The following NOS1 variants were observed in gnomAD, a reference collection of about 807,000 sequenced individuals.
NOS1 encodes NOS type I.
In NOS1, 51 loss-of-function variants were observed where a neutral mutation model predicts 164.5. That is an observed-to-expected ratio of 0.31 (90% CI 0.25 to 0.39). NOS1 has a LOEUF of 0.39. Ranked by LOEUF, NOS1 falls within the 10% of genes least tolerant of loss-of-function variation. The pLI is 1.00. For missense variants in NOS1, 1,362 were observed against 1,885.6 expected (o/e 0.72, Z 5.14); for synonymous variants, 719 against 745.8 (o/e 0.96, Z 0.59).
chr12:117,239,599 G>T (rs1870001844), intron 20 of NOS1, among the ~76,000 whole-genome samples: 1 of 152,174 alleles, frequency 6.6e-6, no homozygotes, highest in South Asian at 2.1e-4. Flanking sequence ...CTCACAGGGG[G>T]ATTAGTGATA....
intron 2 of NOS1, among the ~76,000 whole-genome samples, chr12:117,322,428 T>C: frequency 5.9e-5 from 7 of 117,780 alleles, no homozygotes; most frequent in Middle Eastern, 6.8e-3. Context: ...CTCCTCCCTT[T>C]CCTCACTCCT....
intron 10 of NOS1, among the ~76,000 whole-genome samples, 174 bp from the exon 11 acceptor site, chr12:117,268,318 C>T (rs188862657): frequency 1.3e-3 from 197 of 152,154 alleles, no homozygotes; most frequent in African/African-American, 4.7e-3. Flanking sequence ...GCAACCTCTG[C>T]CTCCTGCATT....
chr12:117,344,460 G>A (rs113142807), intron 1 of NOS1, among the ~76,000 whole-genome samples: 1 of 152,112 alleles, frequency 6.6e-6, no homozygotes, highest in African/African-American at 2.4e-5. Flanking sequence ...TTTCATTCTT[G>A]CAACACGATA....
intron 2 of NOS1, among the ~76,000 whole-genome samples, chr12:117,318,201 TCTC>T (rs983023875): frequency 1.3e-5 from 2 of 151,936 alleles, no homozygotes; most frequent in African/African-American, 4.8e-5. Context: ...ATTTCTGAGC[TCTC>T]CTCCTAGAGA....
chr12:117,331,888 G>T (rs553300484), intron 1 of NOS1, among the ~76,000 whole-genome samples: 1 of 152,224 alleles, frequency 6.6e-6, no homozygotes, highest in African/African-American at 2.4e-5. Flanking sequence ...TCCATCCATA[G>T]CTCGGGGGCT....
rs143664230 is a variant in NOS1 at position 117,285,563 on chromosome 12, C to T, written c.1291-231G>A. On this transcript the variant is annotated intron_variant, in intron 6 of 28. Coordinates refer to ENST00000317775, the MANE Select transcript of NOS1 (RefSeq NM_000620.5). ...AAAAAAAATCGCCTAAAAGTAGGCACGGCATGAAAGTGAATGTGGGAAAGG... is the reference window on the plus strand; with the variant it reads ...AAAAAAAATCGCCTAAAAGTAGGCATGGCATGAAAGTGAATGTGGGAAAGG... Among the ~76,000 whole-genome samples, 25 of 149,176 alleles carry T rather than the reference C, an allele frequency of 1.7e-4. No homozygotes were observed. In the East Asian group the frequency reaches 4.1e-3, roughly 24 times the overall value.
chr12:117,268,706 T>C (rs537908445), intron 10 of NOS1, among the ~76,000 whole-genome samples: 156 of 149,532 alleles, frequency 1.0e-3, no homozygotes, highest in African/African-American at 3.5e-3. Flanking sequence ...TCTCCTGCCT[T>C]AGCCTCCTGA....
At position 117,214,436 on chromosome 12, in the gene NOS1, A is replaced by G. The variant is rs901306842; in HGVS notation, c.*873T>C. The G allele has an allele frequency of 7.1e-6, 7 of 981,116 alleles. No homozygotes were observed. The African/African-American group carries it at 1.2e-4, about 17-fold the overall frequency. The allele number at this position is 981,116 out of a possible 1,614,324, so 60.8% of individuals were successfully genotyped here. On this transcript the variant is annotated 3_prime_UTR_variant, in exon 29 of 29. Transcript: ENST00000317775. ...TATTGCTGGAGGAGGGGGTCAGTCAATGGATGTGGCAAAGTCAAGTGATTC... is the reference window on the plus strand; with the variant it reads ...TATTGCTGGAGGAGGGGGTCAGTCAGTGGATGTGGCAAAGTCAAGTGATTC...
intron 9 of NOS1, among the ~76,000 whole-genome samples, chr12:117,274,901 G>T (rs2056352): frequency 0.33 from 49,621 of 151,678 alleles, 8,385 homozygotes; most frequent in Middle Eastern, 0.4. Flanking sequence ...ACGGATGAAT[G>T]GATAAAGAAA....
chr12:117,334,926 C>T (rs191553205), intron 1 of NOS1, among the ~76,000 whole-genome samples: 76 of 152,266 alleles, frequency 5.0e-4, no homozygotes, highest in African/African-American at 1.8e-3. Flanking sequence ...CGCCTCCTGC[C>T]CCAGGGAAGA....
At chr12:117,264,008 C>G (rs1872155843) in intron 12 of NOS1, 34 bp from the exon 13 acceptor site, 1 of 1,564,916 alleles carries the variant, frequency 6.4e-7, no homozygotes, top group African/African-American at 1.4e-5. Flanking sequence ...TGGTCACTCA[C>G]TGCAGTGAGG....
intron 17 of NOS1, among the ~76,000 whole-genome samples, chr12:117,250,485 C>T (rs554046288): frequency 1.3e-4 from 20 of 151,918 alleles, no homozygotes; most frequent in Non-Finnish European, 1.8e-4. Context: ...CCCATAACCA[C>T]GCGTGGCTAA....
At chr12:117,248,442 C>A (rs991782113) in intron 17 of NOS1, among the ~76,000 whole-genome samples, 7 of 151,162 alleles carry the variant, frequency 4.6e-5, no homozygotes, top group Non-Finnish European at 8.8e-5. Context: ...TGAGAATATG[C>A]GGTGTTTGGT....
intron 24 of NOS1, 68 bp from the exon 25 acceptor site, chr12:117,225,205 G>C: frequency 6.5e-7 from 1 of 1,542,800 alleles, no homozygotes; most frequent in Non-Finnish European, 8.7e-7. Context: ...TTGAATCTTA[G>C]GTAGACCAGG....
At chr12:117,319,880 A>G (rs895689347) in intron 2 of NOS1, among the ~76,000 whole-genome samples, 3 of 152,186 alleles carry the variant, frequency 2.0e-5, no homozygotes, top group Non-Finnish European at 4.4e-5. Context: ...CCTCACAAGG[A>G]ACCTGAACAC....
chr12:117,246,949 GAAGATCTAGTAC>G (rs1870662012), intron 18 of NOS1, among the ~76,000 whole-genome samples: 1 of 152,138 alleles, frequency 6.6e-6, no homozygotes, highest in Non-Finnish European at 1.5e-5. Context: ...ATTGGTTAGT[GAAGATCTAGTAC>G]AAGAGGGGTA....
At chr12:117,312,928 T>C (rs185513148) in intron 2 of NOS1, among the ~76,000 whole-genome samples, 1 of 152,214 alleles carries the variant, frequency 6.6e-6, no homozygotes, top group African/African-American at 2.4e-5. Flanking sequence ...ATCATCACCA[T>C]AGCCACCATC....
chr12:117,247,028 C>T (rs1480042578), intron 18 of NOS1, among the ~76,000 whole-genome samples: 1 of 152,106 alleles, frequency 6.6e-6, no homozygotes, highest in Non-Finnish European at 1.5e-5. Context: ...TTGACCATCT[C>T]TTGTTTTCTT....
chr12:117,265,782 C>T (rs1334747893), intron 11 of NOS1, among the ~76,000 whole-genome samples: 23 of 151,320 alleles, frequency 1.5e-4, no homozygotes, highest in South Asian at 6.3e-4. Flanking sequence ...TCTTTTTTTT[C>T]TTTCTTTCTT....
Sources: allele counts gnomAD v4.1 joint callset (sites outside exome capture counted in the v4.1 genomes callset), GRCh38; gene constraint gnomAD v4.1.1; transcripts MANE v1.5; gene names NCBI Gene and HGNC (gene_info 2026-07-23, HGNC 2026-07-21).